The following GPHN variants were observed in gnomAD, a reference collection of about 807,000 sequenced individuals.
GPHN encodes the protein gephyrin.
Under a neutral mutation model 95.5 loss-of-function variants are expected in GPHN, and 17 were observed. The ratio of observed to expected loss-of-function variants is 0.18; its 90% CI spans 0.12 to 0.27. The LOEUF (loss-of-function observed/expected upper bound fraction) is 0.27, where lower values mean the gene tolerates loss of function less well. GPHN is among the 10% of genes least tolerant of loss of function. The probability of loss-of-function intolerance (pLI) is 1.00; values close to 1 mark genes in which losing one functional copy is unlikely to be tolerated. For synonymous variants in GPHN, 320 were observed against 322.5 expected (o/e 0.99, Z 0.08); for missense variants, 660 against 978.1 (o/e 0.67, Z 4.34).
the GPHN span, among the ~76,000 whole-genome samples, chr14:67,342,217 A>T: frequency 0.12 from 14,406 of 115,858 alleles, 913 homozygotes; most frequent in African/African-American, 0.28. Context: ...AATAAATAAA[A>T]TAAAATAAAA....
intron 2 of GPHN, among the ~76,000 whole-genome samples, chr14:66,733,152 C>A (rs1328688800): frequency 6.6e-6 from 1 of 152,110 alleles, no homozygotes; most frequent in African/African-American, 2.4e-5. Context: ...TCAGTGAGTT[C>A]TCATGAGATC....
At chr14:67,672,468 CAG>C in the GPHN span, among the ~76,000 whole-genome samples, 2 of 106,904 alleles carry the variant, frequency 1.9e-5, no homozygotes, top group Non-Finnish European at 4.0e-5. Flanking sequence ...TTTTTTGATA[CAG>C]AGTCTTGATC....
chr14:67,048,262 CAT>C (rs2075135044), intron 10 of GPHN, among the ~76,000 whole-genome samples: 1 of 152,178 alleles, frequency 6.6e-6, no homozygotes. Context: ...TGAGTTCTTA[CAT>C]AGTCTTTTCA....
At chr14:67,615,667 G>C in the GPHN span, 14 of 526,686 alleles carry the variant, frequency 2.7e-5, no homozygotes, top group Non-Finnish European at 4.4e-5. Flanking sequence ...ACAATTTGAA[G>C]CTATGGCAAG....
At chr14:67,117,106 A>T (rs186574694) in intron 16 of GPHN, among the ~76,000 whole-genome samples, 6 of 152,366 alleles carry the variant, frequency 3.9e-5, no homozygotes, top group African/African-American at 1.4e-4. Flanking sequence ...ACAAATATGT[A>T]AAGAGTTACT....
At chr14:67,642,703 G>A in the GPHN span, among the ~76,000 whole-genome samples, 4 of 148,890 alleles carry the variant, frequency 2.7e-5, no homozygotes, top group African/African-American at 9.8e-5. Flanking sequence ...GAATTAGAAA[G>A]ATCCATTGAT....
the GPHN span, chr14:67,586,071 T>G: frequency 6.2e-7 from 1 of 1,613,994 alleles, no homozygotes; most frequent in Non-Finnish European, 8.5e-7. Context: ...CATTGAGAAG[T>G]TGATCTTCCG....
chr14:67,193,743 G>A, the GPHN span, among the ~76,000 whole-genome samples: 13 of 144,648 alleles, frequency 9.0e-5, no homozygotes, highest in East Asian at 2.3e-3. Context: ...AGGAGTTTGA[G>A]ACCAGCCTGG....
intron 6 of GPHN, among the ~76,000 whole-genome samples, chr14:66,916,788 C>G (rs1315870302): frequency 1.3e-5 from 2 of 152,202 alleles, no homozygotes; most frequent in African/African-American, 4.8e-5. Context: ...TACCCTCAGA[C>G]TCTCTTTGGG....
the GPHN span, among the ~76,000 whole-genome samples, chr14:67,400,940 T>C: frequency 1.3e-5 from 2 of 151,056 alleles, no homozygotes; most frequent in Non-Finnish European, 3.0e-5. Flanking sequence ...TAGTGAGCTA[T>C]GATCACACCA....
chr14:66,735,544 A>G (rs528867324), intron 2 of GPHN, among the ~76,000 whole-genome samples: 7 of 152,278 alleles, frequency 4.6e-5, no homozygotes, highest in African/African-American at 1.4e-4. Flanking sequence ...AACAGCTACT[A>G]ATTTGTTAGG....
intron 1 of GPHN, among the ~76,000 whole-genome samples, chr14:66,636,264 C>T (rs1486032798): frequency 6.6e-6 from 1 of 151,942 alleles, no homozygotes; most frequent in African/African-American, 2.4e-5. Context: ...CAGTAAGAAG[C>T]CTGCCATGAT....
At chr14:67,630,879 C>G in the GPHN span, among the ~76,000 whole-genome samples, 1 of 152,070 alleles carries the variant, frequency 6.6e-6, no homozygotes, top group Admixed American at 6.5e-5. Context: ...CACCGTGCCC[C>G]GCCCATGTAG....
chr14:67,291,006 T>A, the GPHN span, among the ~76,000 whole-genome samples: 3 of 152,176 alleles, frequency 2.0e-5, no homozygotes, highest in African/African-American at 7.2e-5. Context: ...AAATATTTTT[T>A]AATGACCTAC....
the GPHN span, among the ~76,000 whole-genome samples, chr14:67,394,174 T>C: frequency 6.6e-6 from 1 of 152,192 alleles, no homozygotes; most frequent in East Asian, 1.9e-4. Context: ...TGTTCTTATA[T>C]TTCTATGCCA....
the GPHN span, chr14:67,345,681 A>G: frequency 1.2e-6 from 1 of 805,844 alleles, no homozygotes; most frequent in Non-Finnish European, 2.1e-6. Context: ...TACAAAGCAC[A>G]GTATATGCTG....
chr14:67,664,171 T>C, the GPHN span, among the ~76,000 whole-genome samples: 1 of 152,198 alleles, frequency 6.6e-6, no homozygotes, highest in African/African-American at 2.4e-5. Flanking sequence ...ATTTTGACCA[T>C]TTGTGAGGGT....
chr14:67,503,736 CTCTG>C, the GPHN span, among the ~76,000 whole-genome samples: 1 of 152,036 alleles, frequency 6.6e-6, no homozygotes, highest in Non-Finnish European at 1.5e-5. Flanking sequence ...CAGAGTCTAG[CTCTG>C]TCACCCAGGC....
At chr14:66,726,024 C>T (rs887391990) in intron 2 of GPHN, among the ~76,000 whole-genome samples, 3 of 152,184 alleles carry the variant, frequency 2.0e-5, no homozygotes, top group Non-Finnish European at 4.4e-5. Context: ...GTTCTGAGAT[C>T]CAAAAAGATG....
Sources: allele counts gnomAD v4.1 joint callset (sites outside exome capture counted in the v4.1 genomes callset), GRCh38; gene constraint gnomAD v4.1.1; transcripts MANE v1.5; gene names NCBI Gene and HGNC (gene_info 2026-07-23, HGNC 2026-07-21).